The following RNF212 variants were observed in gnomAD, a reference collection of about 807,000 sequenced individuals.
The protein encoded by RNF212 is ring finger protein 212, also known as probable E3 SUMO-protein ligase RNF212.
RNF212 carries 33 observed loss-of-function variants against 34.7 expected under a neutral mutation model. The ratio of observed to expected loss-of-function variants is 0.95; its 90% CI spans 0.72 to 1.27. RNF212 has a LOEUF of 1.27. Among genes scored for constraint, RNF212 ranks in the 50% most tolerant of loss-of-function variants. The probability of loss-of-function intolerance (pLI) is 0.00; values close to 1 mark genes in which losing one functional copy is unlikely to be tolerated. For missense variants in RNF212, 377 were observed against 362.2 expected, an observed-to-expected ratio of 1.04 and a Z score of -0.33; for synonymous variants, 140 against 136.1, an observed-to-expected ratio of 1.03 and a Z score of -0.20.
intron 1 of RNF212, 61 bp downstream of exon 1, chr4:1,113,295 A>T: frequency 9.3e-6 from 1 of 107,784 alleles, no homozygotes; most frequent in Non-Finnish European, 1.8e-5. Flanking sequence ...CATCCCCCGG[A>T]GTTCCCTGAC....
At chr4:1,086,070 T>G in intron 4 of RNF212, 116 bp from the exon 5 acceptor site, 2 of 768,942 alleles carry the variant, frequency 2.6e-6, no homozygotes, top group Non-Finnish European at 4.6e-6. Context: ...GGAGTTGCCC[T>G]CACGCTGCTC....
At chr4:1,096,551 C>T (rs1723077102) in intron 3 of RNF212, 2 of 587,106 alleles carry the variant, frequency 3.4e-6, no homozygotes, top group Non-Finnish European at 6.1e-6. Flanking sequence ...GTGCACCTGG[C>T]TCATCACAGA....
At chr4:1,073,291 G>C in intron 9 of RNF212, 98 bp from the exon 10 acceptor site, 1 of 1,474,764 alleles carries the variant, frequency 6.8e-7, no homozygotes, top group Non-Finnish European at 9.0e-7. Context: ...TTTGAAAAGG[G>C]ACCAGCAATT....
At chr4:1,076,576 C>T (rs149297104) in intron 8 of RNF212, among the ~76,000 whole-genome samples, 8 of 152,172 alleles carry the variant, frequency 5.3e-5, no homozygotes, top group Admixed American at 3.9e-4. Context: ...AGGTGGTGTC[C>T]CAGAACCTCT....
At chr4:1,070,323 C>T (rs545025124), downstream of RNF212, among the ~76,000 whole-genome samples, 6 of 149,278 alleles carry the variant, frequency 4.0e-5, no homozygotes, top group South Asian at 6.4e-4. Flanking sequence ...ACTGTGTCAG[C>T]GTGGACGCCT....
intron 3 of RNF212, among the ~76,000 whole-genome samples, chr4:1,095,182 T>G (rs556266265): frequency 8.4e-6 from 1 of 118,524 alleles, no homozygotes; most frequent in South Asian, 2.8e-4. Flanking sequence ...GGTCTCGGGA[T>G]AGCGCACCTG....
At position 1,064,909 on chromosome 4, in the gene RNF212, G is replaced by A. The variant is rs867594413; in HGVS notation, n.148-6516C>T. 9.2e-5 allele frequency among the ~76,000 whole-genome samples: 14 copies of A among 152,310 alleles called. No individual in the cohort carries two copies. In the South Asian group the frequency reaches 1.2e-3, roughly 14 times the overall value. ...ACTCACACAGCATTTGTGTTTCTGC[G>A]ACTGGCTTATGCACTTAGCATAGCG... On this transcript the variant is annotated intron_variant and non_coding_transcript_variant, in intron 3 of 4. Coordinates refer to the RNF212 transcript ENST00000503206.
chr4:1,099,408 GA>G (rs1478096620), intron 2 of RNF212, among the ~76,000 whole-genome samples: 2 of 152,306 alleles, frequency 1.3e-5, no homozygotes, highest in Admixed American at 6.5e-5. Context: ...GGAAGAGGGG[GA>G]AATGGGGGAA....
In RNF212 at chr4:1,085,929, C is replaced by T. The variant is rs1418783546; in HGVS notation, c.329G>A (p.Arg110Lys). 6.2e-7 allele frequency: 1 copy of T among 1,612,084 alleles called. No homozygotes were observed. Among genetic ancestry groups the T allele is most frequent in the East Asian group, 2.2e-5 (1 of 44,876 alleles). ...EKISRLEESL[R>K]KSVLQIEQLQ... Reference sequence around the variant, plus strand: ...TTGTTCTATCTGCAGCACTGACTTCCTAAGGGATTCTTCCAACCTAGAAAT... The same window carrying T: ...TTGTTCTATCTGCAGCACTGACTTCTTAAGGGATTCTTCCAACCTAGAAAT... Residue 110 changes from arginine (R) to lysine (K), a missense_variant, in exon 5 of 10, where the codon AGG becomes AAG. By Grantham distance (26) the Arg-to-Lys change is conservative. Transcript: ENST00000433731.
intron 8 of RNF212, among the ~76,000 whole-genome samples, chr4:1,075,424 G>A (rs1396187063): frequency 1.3e-5 from 2 of 152,182 alleles, no homozygotes; most frequent in Non-Finnish European, 2.9e-5. Flanking sequence ...AGGGTGGGAG[G>A]CCAAGGGGGA....
chr4:1,074,664 C>CT (rs1718987855), intron 8 of RNF212, among the ~76,000 whole-genome samples: 1 of 152,172 alleles, frequency 6.6e-6, no homozygotes, highest in Non-Finnish European at 1.5e-5. Context: ...GCATGGCCCT[C>CT]TGAGCTGCCT....
At position 1,060,072 on chromosome 4, in the gene RNF212, C is replaced by T. The variant is rs191797292; in HGVS notation, n.148-1679G>A. 1.4e-4 allele frequency among the ~76,000 whole-genome samples: 19 copies of T among 139,370 alleles called. No individual in the cohort carries two copies. In the East Asian group the frequency reaches 3.5e-3, roughly 25 times the overall value. The allele number at this position is 139,370 out of a possible 152,430, so 91.4% of individuals were successfully genotyped here. On this transcript the variant is annotated intron_variant and non_coding_transcript_variant, in intron 3 of 4. Coordinates refer to the RNF212 transcript ENST00000503206. ...TGAGATCACACCATTGCACTCCAGC[C>T]TGGGCAACAAGAGCGAAACTCCATC...
intron 3 of RNF212, among the ~76,000 whole-genome samples, chr4:1,091,914 A>G (rs1345643255): frequency 1.3e-5 from 2 of 152,278 alleles, no homozygotes; most frequent in East Asian, 3.9e-4. Context: ...GTGGGCTATG[A>G]AGAGGAGTGG....
chr4:1,075,967 A>C (rs181029209), intron 8 of RNF212, among the ~76,000 whole-genome samples: 1 of 152,352 alleles, frequency 6.6e-6, no homozygotes, highest in Non-Finnish European at 1.5e-5. Context: ...TGGCCACCTC[A>C]TAAGTTGAAG....
intron 3 of RNF212, chr4:1,093,827 C>T (rs1202044207): frequency 2.0e-6 from 3 of 1,536,222 alleles, no homozygotes; most frequent in South Asian, 1.2e-5. Context: ...GATGGTGTTT[C>T]CCTGGGCCTC....
Position 1,079,098 on chromosome 4 carries a change from T to C in RNF212, c.510+545A>G, listed in dbSNP as rs940134606. ...ACACAGGGTCAACACAGGACCAACA[T>C]AGGACCAACACAGGGTCAACACAGG... On this transcript the variant is annotated intron_variant, in intron 8 of 9. Coordinates refer to ENST00000433731, the MANE Select transcript of RNF212 (RefSeq NM_001131034.4). Among the ~76,000 whole-genome samples the C allele has an allele frequency of 4.0e-4, 50 of 123,914 alleles. 1 individual carries two copies. The highest frequency in any genetic ancestry group is 1.6e-3 in the African/African-American group (46 of 29,266). 81.3% of individuals were successfully genotyped at this position (123,914 alleles called of 152,430 possible). A position where few individuals can be genotyped will look rare whatever the true frequency, so the allele number is the denominator to read the frequency against.
intron 8 of RNF212, among the ~76,000 whole-genome samples, chr4:1,076,240 G>T (rs1368280447): frequency 2.6e-5 from 4 of 152,140 alleles, no homozygotes; most frequent in African/African-American, 9.7e-5. Context: ...CTCCTCCCCA[G>T]TGCCAGCAGC....
chr4:1,102,585 A>G (rs1160837158), intron 2 of RNF212, among the ~76,000 whole-genome samples: 3 of 46,782 alleles, frequency 6.4e-5, no homozygotes, highest in Non-Finnish European at 2.4e-4. Flanking sequence ...AAAAAAAAAC[A>G]CAAAAAAACA....
chr4:1,073,578 GT>G lies in RNF212; in HGVS notation c.574+20del. The stretch of plus-strand genomic sequence containing the variant: ...TAATCGATGCATGTATCGGTCTGAG[GT>G]TACAGGACATTTTACTTACCCATTC... On this transcript the variant is annotated intron_variant, in intron 9 of 9. Transcript: ENST00000433731. 6.5e-7 allele frequency: 1 copy of G among 1,537,476 alleles called. No individual in the cohort carries two copies. The highest frequency in any genetic ancestry group is 1.4e-5 in the African/African-American group (1 of 73,284).
Sources: gnomAD v4.1 joint callset for allele counts (sites outside exome capture counted in the v4.1 genomes callset) on GRCh38, gnomAD v4.1.1 for gene constraint, MANE v1.5 for transcripts, NCBI Gene and HGNC (gene_info 2026-07-23, HGNC 2026-07-21) for gene names.